CNBD1: variants seen among roughly 807,000 people sequenced by gnomAD.
CNBD1 encodes cyclic nucleotide binding domain containing 1, also known as cyclic nucleotide-binding domain-containing protein 1.
In CNBD1, 71 loss-of-function variants were observed where a neutral mutation model predicts 54.4. That is an observed-to-expected ratio of 1.30 (90% confidence interval 1.08 to 1.59). The LOEUF (loss-of-function observed/expected upper bound fraction) is 1.59. CNBD1 is among the 40% of genes most tolerant of loss of function. CNBD1 has a pLI of 0.00. For missense variants in CNBD1, 659 were observed against 518.0 expected (o/e 1.27, Z -2.64); for synonymous variants, 182 against 170.7 (o/e 1.07, Z -0.51).
chr8:87,383,126 G>C (rs1396558082), downstream of CNBD1, among the ~76,000 whole-genome samples: 1 of 151,904 alleles, frequency 6.6e-6, no homozygotes, highest in Non-Finnish European at 1.5e-5. Flanking sequence ...GAACTTCAAA[G>C]ACCTTGTGCT....
chr8:87,311,934 G>A (rs1049912663), intron 8 of CNBD1, among the ~76,000 whole-genome samples: 4 of 151,948 alleles, frequency 2.6e-5, no homozygotes, highest in Non-Finnish European at 5.9e-5. Context: ...GTAGACAATG[G>A]GGACTACCAG....
At chr8:87,386,010 C>T (rs972232716), downstream of CNBD1, among the ~76,000 whole-genome samples, 1 of 152,164 alleles carries the variant, frequency 6.6e-6, no homozygotes, top group African/African-American at 2.4e-5. Flanking sequence ...CAAACATAGT[C>T]TGGAGTGGAC....
intron 10 of CNBD1, among the ~76,000 whole-genome samples, chr8:87,364,827 C>CT (rs1366448992): frequency 1.3e-5 from 2 of 152,172 alleles, no homozygotes; most frequent in African/African-American, 4.8e-5. Context: ...TGATATCATT[C>CT]TTTTTTATGG....
chr8:87,390,086 C>G (rs1291771089), intron 2 of CNBD1, among the ~76,000 whole-genome samples: 1 of 150,750 alleles, frequency 6.6e-6, no homozygotes, highest in Non-Finnish European at 1.5e-5. Context: ...ACACCTTATA[C>G]AAAAATTAAT....
intron 8 of CNBD1, among the ~76,000 whole-genome samples, chr8:87,343,154 C>T (rs970041855): frequency 6.6e-6 from 1 of 152,202 alleles, no homozygotes; most frequent in Admixed American, 6.5e-5. Flanking sequence ...TTCTGCCCAA[C>T]CACGCAGGCA....
rs74983635 is a variant in CNBD1, at chr8:87,231,017, C to T, written c.578-5902C>T. On this transcript the variant is annotated intron_variant, in intron 5 of 10. Transcript: ENST00000518476. ...TCAGGAAACTTACATTCATGGCAGA[C>T]GGCGAAATGGGAGCCAGCATTTCAT... Among the ~76,000 whole-genome samples, 23 of 151,766 alleles carry T rather than the reference C, an allele frequency of 1.5e-4. No homozygotes were observed. In the South Asian group the frequency reaches 1.7e-3, roughly 11 times the overall value.
chr8:87,315,362 G>C (rs1386039115), intron 8 of CNBD1, among the ~76,000 whole-genome samples: 1 of 151,922 alleles, frequency 6.6e-6, no homozygotes, highest in Non-Finnish European at 1.5e-5. Flanking sequence ...CTTGAAGCTA[G>C]GTAATTTATT....
chr8:86,874,986 TTATATATATATATATATATATATATA>T (rs10584669), intron 1 of CNBD1, among the ~76,000 whole-genome samples: 1 of 120,120 alleles, frequency 8.3e-6, no homozygotes, highest in South Asian at 2.6e-4. Context: ...GTAAATCAAT[TTATATATATATATATATATATATATA>T]TATATATATG....
At chr8:86,941,644 G>A (rs1159118098) in intron 4 of CNBD1, among the ~76,000 whole-genome samples, 1 of 152,146 alleles carries the variant, frequency 6.6e-6, no homozygotes, top group African/African-American at 2.4e-5. Flanking sequence ...CAAAATACCA[G>A]GAGGTAAATC....
intron 4 of CNBD1, among the ~76,000 whole-genome samples, chr8:87,138,044 T>C (rs1812295018): frequency 6.6e-6 from 1 of 152,162 alleles, no homozygotes; most frequent in Admixed American, 6.5e-5. Context: ...ATTCGGATTA[T>C]TTCTTAAAAT....
At chr8:86,968,824 A>G (rs1429345194) in intron 4 of CNBD1, among the ~76,000 whole-genome samples, 1 of 152,196 alleles carries the variant, frequency 6.6e-6, no homozygotes, top group Non-Finnish European at 1.5e-5. Context: ...GGGCAGAGGA[A>G]GCAATCAGAT....
intron 2 of CNBD1, among the ~76,000 whole-genome samples, chr8:86,900,077 A>C (rs1177629016): frequency 6.6e-6 from 1 of 152,128 alleles, no homozygotes; most frequent in Non-Finnish European, 1.5e-5. Flanking sequence ...CCAATAATGC[A>C]CCAGAAATTT....
At chr8:86,882,488 A>G (rs1808620010) in intron 1 of CNBD1, among the ~76,000 whole-genome samples, 1 of 152,224 alleles carries the variant, frequency 6.6e-6, no homozygotes, top group Admixed American at 6.5e-5. Flanking sequence ...CACACCAGTC[A>G]GAATAGCTGT....
intron 6 of CNBD1, among the ~76,000 whole-genome samples, chr8:87,250,487 G>C (rs1481471781): frequency 6.6e-6 from 1 of 152,078 alleles, no homozygotes; most frequent in Non-Finnish European, 1.5e-5. Flanking sequence ...TATCCAAAAG[G>C]AATGAAATCA....
rs75308531 is a variant in CNBD1, at chr8:87,345,888, A to C, written c.1043-5797A>C. 9.2e-5 allele frequency among the ~76,000 whole-genome samples: 14 copies of C among 152,310 alleles called. No individual in the cohort carries two copies. The East Asian group carries it at 2.7e-3, about 29-fold the overall frequency. ...AAGTTAAGGAGTATTTCTACCTTGC[A>C]TAAAGAGGTGACTAATTAATTTCTA... On this transcript the variant is annotated intron_variant, in intron 8 of 10. Coordinates refer to ENST00000518476, the MANE Select transcript of CNBD1 (RefSeq NM_173538.3).
intron 4 of CNBD1, among the ~76,000 whole-genome samples, chr8:87,194,970 G>A (rs1813685674): frequency 1.3e-5 from 2 of 151,666 alleles, no homozygotes; most frequent in Non-Finnish European, 2.9e-5. Flanking sequence ...TGCAACCTCC[G>A]CCTCCTGGGT....
chr8:87,054,123 G>A (rs1319007821), intron 4 of CNBD1, among the ~76,000 whole-genome samples: 1 of 152,202 alleles, frequency 6.6e-6, no homozygotes, highest in Non-Finnish European at 1.5e-5. Flanking sequence ...GATGAGAGAA[G>A]AGTTGGGAAA....
At chr8:86,964,368 A>G (rs1397244419) in intron 4 of CNBD1, among the ~76,000 whole-genome samples, 1 of 152,186 alleles carries the variant, frequency 6.6e-6, no homozygotes, top group Non-Finnish European at 1.5e-5. Flanking sequence ...CCAACTAGAT[A>G]AGGCTCATCC....
At chr8:87,318,095 T>C (rs1385009783) in intron 8 of CNBD1, among the ~76,000 whole-genome samples, 2 of 152,080 alleles carry the variant, frequency 1.3e-5, no homozygotes, top group African/African-American at 4.8e-5. Flanking sequence ...TGCTATTTTT[T>C]TCACTAACTT....
Sources: allele counts gnomAD v4.1 joint callset (sites outside exome capture counted in the v4.1 genomes callset), GRCh38; gene constraint gnomAD v4.1.1; transcripts MANE v1.5; gene names NCBI Gene and HGNC (gene_info 2026-07-23, HGNC 2026-07-21).